Variants in CXADR observed in about 807,000 individuals in gnomAD.
CXADR encodes coxsackievirus and adenovirus receptor.
In CXADR, 20 loss-of-function variants were observed where a neutral mutation model predicts 40.3. The ratio of observed to expected loss-of-function variants is 0.50; its 90% CI spans 0.35 to 0.72. The LOEUF (loss-of-function observed/expected upper bound fraction) is 0.72. Ranked by LOEUF, CXADR falls within the 30% of genes least tolerant of loss-of-function variation. The pLI is 0.01. For synonymous variants in CXADR, 150 were observed against 161.3 expected (o/e 0.93, Z 0.53); for missense variants, 332 against 449.1 (o/e 0.74, Z 2.36).
At chr21:17,563,488 T>C (rs2061152851) in intron 6 of CXADR, among the ~76,000 whole-genome samples, 1 of 152,052 alleles carries the variant, frequency 6.6e-6, no homozygotes, top group African/African-American at 2.4e-5. Context: ...TGCTGTCTCT[T>C]ATGGGCATCA....
At chr21:17,528,113 G>A (rs552672160) in intron 1 of CXADR, among the ~76,000 whole-genome samples, 3 of 120,286 alleles carry the variant, frequency 2.5e-5, no homozygotes, top group South Asian at 2.7e-4. Flanking sequence ...TGGCTCTGTC[G>A]CCCAGGCCGG....
the CXADR span, among the ~76,000 whole-genome samples, chr21:17,619,047 TTACAA>T: frequency 1.3e-5 from 2 of 152,324 alleles, no homozygotes; most frequent in South Asian, 4.1e-4. Flanking sequence ...TTAAGTAGGC[TTACAA>T]TATTCAGTAA....
At chr21:17,551,620 C>G (rs1346820521) in intron 2 of CXADR, 129 bp from the exon 3 acceptor site, 2 of 717,148 alleles carry the variant, frequency 2.8e-6, no homozygotes, top group East Asian at 5.5e-5. Flanking sequence ...CCCCATAATA[C>G]TGTGTTCTTC....
Position 17,567,384 on chromosome 21 carries a change from A to G in CXADR, c.*1692A>G. On this transcript the variant is annotated 3_prime_UTR_variant, in exon 7 of 7. Coordinates refer to ENST00000284878, the MANE Select transcript of CXADR (RefSeq NM_001338.5). ...TTTAACCTTATGTAAAATTACTTTT[A>G]TACTCGTGTTAACATTTTCATCTGT... The G allele has an allele frequency of 1.9e-5, 19 of 985,002 alleles. No individual in the cohort carries two copies. Among genetic ancestry groups the G allele is most frequent in the Non-Finnish European group, 2.3e-5 (19 of 829,502 alleles). 61.0% of individuals were successfully genotyped at this position (985,002 alleles called of 1,614,324 possible). A position where few individuals can be genotyped will look rare whatever the true frequency, so the allele number is the denominator to read the frequency against.
intron 1 of CXADR, among the ~76,000 whole-genome samples, chr21:17,528,199 G>T (rs563067210): frequency 6.7e-6 from 1 of 149,270 alleles, no homozygotes; most frequent in Non-Finnish European, 1.5e-5. Context: ...TCACCCTCTC[G>T]AGTAGCTGGG....
At chr21:17,597,085 G>A (rs1357847469), downstream of CXADR, among the ~76,000 whole-genome samples, 1 of 152,058 alleles carries the variant, frequency 6.6e-6, no homozygotes, top group Non-Finnish European at 1.5e-5. Context: ...TTGCTAATGA[G>A]TATTAGGCCA....
At chr21:17,578,082 T>C (rs1361930111) in intron 7 of CXADR, among the ~76,000 whole-genome samples, 1 of 152,160 alleles carries the variant, frequency 6.6e-6, no homozygotes, top group Non-Finnish European at 1.5e-5. Context: ...TCAGTGAACA[T>C]AGGAGTGCAA....
At chr21:17,554,665 C>T (rs1174632792) in intron 3 of CXADR, among the ~76,000 whole-genome samples, 3 of 152,140 alleles carry the variant, frequency 2.0e-5, no homozygotes, top group African/African-American at 4.8e-5. Context: ...GGAGAAACCA[C>T]CAGAATTATA....
intron 7 of CXADR, among the ~76,000 whole-genome samples, chr21:17,582,834 G>A (rs776460285): frequency 5.3e-5 from 8 of 152,212 alleles, no homozygotes; most frequent in Non-Finnish European, 1.2e-4. Flanking sequence ...ATGTGTCTAG[G>A]TTACATCTTA....
intron 1 of CXADR, chr21:17,518,767 G>A (rs2060492468): frequency 1.3e-6 from 2 of 1,585,104 alleles, no homozygotes; most frequent in Admixed American, 1.7e-5. Flanking sequence ...AGCAGAAAGG[G>A]AAGCTTGGAC....
chr21:17,542,664 C>T (rs1183570945), intron 1 of CXADR, among the ~76,000 whole-genome samples: 1 of 152,198 alleles, frequency 6.6e-6, no homozygotes, highest in African/African-American at 2.4e-5. Flanking sequence ...ATTAACTAGA[C>T]TGCAAATACT....
At chr21:17,544,947 A>G (rs111435959) in intron 1 of CXADR, among the ~76,000 whole-genome samples, 2 of 151,776 alleles carry the variant, frequency 1.3e-5, no homozygotes, top group Admixed American at 6.5e-5. Flanking sequence ...GGAAAGAATC[A>G]TGCAGTGACT....
chr21:17,551,197 C>T (rs377512883), intron 2 of CXADR, among the ~76,000 whole-genome samples: 3 of 152,188 alleles, frequency 2.0e-5, no homozygotes, highest in East Asian at 1.9e-4. Flanking sequence ...GTCAGAAGTT[C>T]GAGACCAGCC....
Position 17,568,811 on chromosome 21 carries a change from A to G in CXADR, c.*3119A>G, listed in dbSNP as rs1736573947. The G allele has an allele frequency of 2.0e-6, 2 of 985,228 alleles. No homozygotes were observed. The highest frequency in any genetic ancestry group is 1.2e-6 in the Non-Finnish European group (1 of 829,908). 61.0% of individuals were successfully genotyped at this position (985,228 alleles called of 1,614,324 possible). On this transcript the variant is annotated 3_prime_UTR_variant, in exon 7 of 7. Coordinates refer to ENST00000284878, the MANE Select transcript of CXADR (RefSeq NM_001338.5). ...TCCCCCACCCCCAAAAATGTCTACT[A>G]TTCATGACAGTAACCAATTATTCTG...
chr21:17,633,363 G>A, the CXADR span, among the ~76,000 whole-genome samples: 2,523 of 152,152 alleles, frequency 0.017, 62 homozygotes, highest in African/African-American at 0.058. Flanking sequence ...CTAGGAGTCC[G>A]AGACCAGCCT....
the CXADR span, chr21:17,598,784 C>T: frequency 1.2e-5 from 19 of 1,614,084 alleles, no homozygotes; most frequent in Non-Finnish European, 1.6e-5. Context: ...TCTTTATTTT[C>T]AAAGCTGGCA....
the CXADR span, among the ~76,000 whole-genome samples, chr21:17,634,074 T>G: frequency 6.6e-6 from 1 of 152,246 alleles, no homozygotes; most frequent in African/African-American, 2.4e-5. Context: ...GAAGCTTATA[T>G]CTCAGAATAG....
chr21:17,537,487 T>C (rs1409053145), intron 1 of CXADR, among the ~76,000 whole-genome samples: 1 of 152,190 alleles, frequency 6.6e-6, no homozygotes, highest in African/African-American at 2.4e-5. Flanking sequence ...TGCTTAGATG[T>C]CAAGACAGAT....
chr21:17,523,402 T>C (rs1377062972), intron 1 of CXADR, among the ~76,000 whole-genome samples: 1 of 152,198 alleles, frequency 6.6e-6, no homozygotes, highest in Non-Finnish European at 1.5e-5. Flanking sequence ...TGAGCAGGGC[T>C]GGGCTCTGTG....
Sources: gnomAD v4.1 joint callset for allele counts (sites outside exome capture counted in the v4.1 genomes callset) on GRCh38, gnomAD v4.1.1 for gene constraint, MANE v1.5 for transcripts, NCBI Gene and HGNC (gene_info 2026-07-23, HGNC 2026-07-21) for gene names.